The following USP34 variants were observed in gnomAD, a reference collection of about 807,000 sequenced individuals.
The protein encoded by USP34 is ubiquitin carboxyl-terminal hydrolase 34.
Under a neutral mutation model 460.3 loss-of-function variants are expected in USP34, and 70 were observed. The ratio of observed to expected loss-of-function variants is 0.15; its 90% CI spans 0.13 to 0.19. The LOEUF is 0.19. USP34 is among the 10% of genes least tolerant of loss of function. USP34 has a pLI of 1.00. For synonymous variants in USP34, 1,647 were observed against 1,405.3 expected (o/e 1.17, Z -3.85); for missense variants, 3,985 against 4,236.2 (o/e 0.94, Z 1.65).
intron 71 of USP34, among the ~76,000 whole-genome samples, chr2:61,206,512 T>C (rs1195241674): frequency 6.6e-6 from 1 of 152,218 alleles, no homozygotes; most frequent in East Asian, 1.9e-4. Flanking sequence ...TGTTTGGAAA[T>C]GTTTTCCAAT....
intron 33 of USP34, among the ~76,000 whole-genome samples, chr2:61,289,283 C>G (rs992679170): frequency 6.6e-6 from 1 of 151,898 alleles, no homozygotes; most frequent in Non-Finnish European, 1.5e-5. Flanking sequence ...GCTGTGTCTC[C>G]CAACGAGTGG....
At chr2:61,403,830 T>C (rs1178678295) in intron 3 of USP34, among the ~76,000 whole-genome samples, 3 of 150,898 alleles carry the variant, frequency 2.0e-5, no homozygotes, top group Non-Finnish European at 3.0e-5. Flanking sequence ...TACTAAAAAA[T>C]ACAAAGAAAA....
chr2:61,220,243 A>G, intron 67 of USP34, 67 bp downstream of exon 67: 2 of 1,479,660 alleles, frequency 1.4e-6, no homozygotes, highest in African/African-American at 1.4e-5. Flanking sequence ...AGTTGCCTAA[A>G]AACAAAATGA....
At chr2:61,430,152 T>C (rs1460068943) in intron 1 of USP34, among the ~76,000 whole-genome samples, 2 of 151,464 alleles carry the variant, frequency 1.3e-5, no homozygotes, top group East Asian at 1.9e-4. Flanking sequence ...GAGGCGGAAC[T>C]TTCAGTGAGC....
intron 58 of USP34, among the ~76,000 whole-genome samples, chr2:61,230,865 A>C (rs770066900): frequency 2.7e-5 from 4 of 148,472 alleles, no homozygotes; most frequent in Non-Finnish European, 4.5e-5. Flanking sequence ...AAAACAAAAC[A>C]CAAAAACAAA....
chr2:61,396,831 T>C (rs1468651774), intron 3 of USP34, among the ~76,000 whole-genome samples: 1 of 152,070 alleles, frequency 6.6e-6, no homozygotes, highest in Non-Finnish European at 1.5e-5. Flanking sequence ...TGAGGGATCT[T>C]TGGGGGATGA....
chr2:61,246,460 C>T lies in USP34; in HGVS notation c.6412G>A (p.Asp2138Asn), dbSNP rs568011925. 6.4e-7 allele frequency: 1 copy of T among 1,567,788 alleles called. No homozygotes were observed. Among genetic ancestry groups the T allele is most frequent in the African/African-American group, 1.4e-5 (1 of 73,610 alleles). ...TAGCTCTCTGAGTCTTTTGAATGATCACTGACTTCTTTAAAACCTGAAATG... is the reference window on the plus strand; with the variant it reads ...TAGCTCTCTGAGTCTTTTGAATGATTACTGACTTCTTTAAAACCTGAAATG... ...ERKEGFKEVSDHSKDSESYEY... is the reference protein window; with the variant it reads ...ERKEGFKEVSNHSKDSESYEY... Residue 2138 changes from aspartate to asparagine, a missense_variant, in exon 50 of 80, where the codon GAT (aspartate) becomes AAT (asparagine). By Grantham distance (23) the Asp-to-Asn change is conservative. This residue lies in a region of USP34 where 70 missense variants were observed against 78.1 expected (regional missense o/e 0.90). Transcript: ENST00000398571.
chr2:61,227,494 T>C (rs937813047), intron 61 of USP34, among the ~76,000 whole-genome samples: 39 of 152,114 alleles, frequency 2.6e-4, no homozygotes, highest in Non-Finnish European at 5.1e-4. Flanking sequence ...GTGGATCATT[T>C]GAGGTCAGGA....
chr2:61,459,853 A>G (rs945551055), intron 1 of USP34, among the ~76,000 whole-genome samples: 3 of 151,978 alleles, frequency 2.0e-5, no homozygotes, highest in Non-Finnish European at 2.9e-5. Flanking sequence ...TGAGGTCAGG[A>G]GATCAAGACC....
At chr2:61,360,206 A>G (rs1692233475) in intron 10 of USP34, among the ~76,000 whole-genome samples, 1 of 152,174 alleles carries the variant, frequency 6.6e-6, no homozygotes, top group South Asian at 2.1e-4. Flanking sequence ...ATTCCAAGAG[A>G]GAAGACTTAA....
chr2:61,339,396 C>T lies in USP34; in HGVS notation c.2699G>A (p.Arg900Gln). ...LVCWFTDRQIRMRFIEGCLEN... is the reference protein window; with the variant it reads ...LVCWFTDRQIQMRFIEGCLEN... ...AAGGCAACCTTCAATGAATCTCATT[C>T]GAATTTGTCTATCTGTAAACCAACA... Residue 900 changes from arginine to glutamine, a missense_variant, in exon 18 of 80, where the codon CGA (arginine) becomes CAA (glutamine). Arg to Gln is a conservative substitution (Grantham distance 43). Coordinates refer to ENST00000398571, the MANE Select transcript of USP34 (RefSeq NM_014709.4). The T allele has an allele frequency of 6.2e-7, 1 of 1,609,146 alleles. No individual in the cohort carries two copies. Among genetic ancestry groups the T allele is most frequent in the Non-Finnish European group, 8.5e-7 (1 of 1,178,012 alleles).
At chr2:61,309,908 T>C (rs1340692029) in intron 27 of USP34, among the ~76,000 whole-genome samples, 6 of 152,166 alleles carry the variant, frequency 3.9e-5, no homozygotes, top group Non-Finnish European at 8.8e-5. Context: ...TTATAACTTG[T>C]CATCTTCTGC....
At chr2:61,394,368 T>C (rs1693449476) in intron 5 of USP34, among the ~76,000 whole-genome samples, 1 of 151,838 alleles carries the variant, frequency 6.6e-6, no homozygotes, top group Admixed American at 6.6e-5. Context: ...TAAAATGGCC[T>C]GGGCAACATG....
chr2:61,464,052 A>G (rs1462194296), intron 1 of USP34, among the ~76,000 whole-genome samples: 1 of 152,198 alleles, frequency 6.6e-6, no homozygotes, highest in African/African-American at 2.4e-5. Context: ...CAATAAAGTA[A>G]TCTGCTTTAA....
At chr2:61,237,554 AT>A (rs71403400) in intron 53 of USP34, among the ~76,000 whole-genome samples, 907 of 45,100 alleles carry the variant, frequency 0.02, 12 homozygotes, top group African/African-American at 0.069. Flanking sequence ...TTTTCTGTGG[AT>A]TTTTTTTTTT....
intron 41 of USP34, among the ~76,000 whole-genome samples, chr2:61,277,530 C>A (rs1018828368): frequency 1.3e-5 from 2 of 152,120 alleles, no homozygotes; most frequent in African/African-American, 4.8e-5. Flanking sequence ...AGCCACCGTG[C>A]CCAGCCTTAG....
chr2:61,358,269 A>C (rs1379180437), intron 10 of USP34, among the ~76,000 whole-genome samples: 1 of 152,020 alleles, frequency 6.6e-6, no homozygotes, highest in African/African-American at 2.4e-5. Context: ...CGGTTTGTTA[A>C]AGAATTTTAT....
chr2:61,252,324 T>C (rs1185690931), intron 48 of USP34, among the ~76,000 whole-genome samples: 1 of 152,184 alleles, frequency 6.6e-6, no homozygotes, highest in East Asian at 1.9e-4. Context: ...CCCGATACTA[T>C]CTTTGAAACA....
intron 63 of USP34, 22 bp from the exon 64 acceptor site, chr2:61,223,186 C>T (rs1245487984): frequency 1.9e-6 from 3 of 1,612,696 alleles, no homozygotes; most frequent in African/African-American, 2.7e-5. Flanking sequence ...AAAAGTTGTT[C>T]ATTTAAGAAC....
Sources: allele counts gnomAD v4.1 joint callset (sites outside exome capture counted in the v4.1 genomes callset), GRCh38; gene constraint gnomAD v4.1.1; regional missense constraint gnomAD v4.1.1; transcripts MANE v1.5; gene names NCBI Gene and HGNC (gene_info 2026-07-23, HGNC 2026-07-21).